SASH1: variants seen among roughly 807,000 people sequenced by gnomAD.
SASH1 encodes SAM and SH3 domain containing 1.
Under a neutral mutation model 125.2 loss-of-function variants are expected in SASH1, and 44 were observed. That is an observed-to-expected ratio of 0.35 (90% CI 0.28 to 0.45). SASH1 has a LOEUF of 0.45. SASH1 is among the 20% of genes least tolerant of loss of function. The pLI is 1.00. For synonymous variants in SASH1, 639 were observed against 649.1 expected, an observed-to-expected ratio of 0.98 and a Z score of 0.24; for missense variants, 1,426 against 1,614.5, an observed-to-expected ratio of 0.88 and a Z score of 2.00.
chr6:148,443,193 C>A (rs1159134454), intron 4 of SASH1, among the ~76,000 whole-genome samples: 2 of 145,844 alleles, frequency 1.4e-5, no homozygotes, highest in African/African-American at 5.0e-5. Flanking sequence ...GGTGTCACGT[C>A]TTTTGTCACA....
At chr6:148,513,107 C>G (rs1780243443) in intron 8 of SASH1, 1 of 985,420 alleles carries the variant, frequency 1.0e-6, no homozygotes, top group Non-Finnish European at 1.2e-6. Flanking sequence ...GAGGTATTCT[C>G]TGCAACTCTT....
chr6:148,307,717 T>A (rs1295368035), intron 1 of SASH1, among the ~76,000 whole-genome samples: 1 of 152,042 alleles, frequency 6.6e-6, no homozygotes, highest in Non-Finnish European at 1.5e-5. Flanking sequence ...CTTGTTGAAT[T>A]AGGTTATTAA....
intron 2 of SASH1, chr6:148,393,593 C>T (rs1334662197): frequency 3.4e-6 from 2 of 584,256 alleles, no homozygotes; most frequent in Non-Finnish European, 4.3e-6. Context: ...AGAAAGTCTG[C>T]CCATCGGTGG....
At chr6:148,244,959 T>TGTGTGA in the SASH1 span, among the ~76,000 whole-genome samples, 5 of 119,240 alleles carry the variant, frequency 4.2e-5, no homozygotes, top group East Asian at 2.8e-4. Context: ...TGTGTGTGTG[T>TGTGTGA]GAGAGAGAGA....
chr6:148,249,096 G>A, the SASH1 span, among the ~76,000 whole-genome samples: 4 of 150,214 alleles, frequency 2.7e-5, no homozygotes, highest in African/African-American at 2.5e-5. Flanking sequence ...GAATGAATGA[G>A]TGACTAAAGA....
chr6:148,541,997 A>G (rs1443579568), intron 17 of SASH1, among the ~76,000 whole-genome samples: 1 of 152,202 alleles, frequency 6.6e-6, no homozygotes, highest in Non-Finnish European at 1.5e-5. Flanking sequence ...GTAGGTTCTG[A>G]AGAATTTTTT....
chr6:148,246,208 G>A, the SASH1 span, among the ~76,000 whole-genome samples: 1 of 152,140 alleles, frequency 6.6e-6, no homozygotes, highest in Non-Finnish European at 1.5e-5. Flanking sequence ...AGTGGATTCA[G>A]AAACAAGAGC....
chr6:148,278,063 C>T (rs9497988), intron 1 of SASH1, among the ~76,000 whole-genome samples: 7,108 of 150,808 alleles, frequency 0.047, 237 homozygotes, highest in Non-Finnish European at 0.067. Context: ...TTTTTTGAGA[C>T]GGAGTCTCGC....
chr6:148,310,921 G>T (rs1475299716), intron 1 of SASH1, among the ~76,000 whole-genome samples: 1 of 151,918 alleles, frequency 6.6e-6, no homozygotes, highest in Non-Finnish European at 1.5e-5. Context: ...AGTCTGACAG[G>T]GTTTTGTTTG....
At chr6:148,445,840 A>G (rs1002384792) in intron 4 of SASH1, among the ~76,000 whole-genome samples, 2 of 152,062 alleles carry the variant, frequency 1.3e-5, no homozygotes, top group Non-Finnish European at 1.5e-5. Flanking sequence ...CTGACCAACT[A>G]CCGGTTGTAG....
chr6:148,298,024 T>TG (rs1779809988), intron 1 of SASH1, among the ~76,000 whole-genome samples: 1 of 151,206 alleles, frequency 6.6e-6, no homozygotes, highest in Non-Finnish European at 1.5e-5. Flanking sequence ...ATTTTTTTTT[T>TG]GAGATGGAGT....
the SASH1 span, among the ~76,000 whole-genome samples, chr6:148,209,287 A>C: frequency 6.6e-6 from 1 of 152,222 alleles, no homozygotes; most frequent in Non-Finnish European, 1.5e-5. Flanking sequence ...CTGTGACTGA[A>C]ATATTAATCA....
At chr6:148,299,492 C>T (rs1779874704) in intron 1 of SASH1, among the ~76,000 whole-genome samples, 1 of 151,816 alleles carries the variant, frequency 6.6e-6, no homozygotes, top group South Asian at 2.1e-4. Context: ...CATGGTAAAA[C>T]CTCATGTCTG....
the SASH1 span, among the ~76,000 whole-genome samples, chr6:148,218,263 A>G: frequency 3.3e-5 from 5 of 152,272 alleles, no homozygotes; most frequent in African/African-American, 1.2e-4. Context: ...CCAAGCAACC[A>G]TGGAAAGAGG....
At chr6:148,295,622 G>A (rs1007176386) in intron 1 of SASH1, among the ~76,000 whole-genome samples, 9 of 152,232 alleles carry the variant, frequency 5.9e-5, no homozygotes, top group African/African-American at 2.2e-4. Context: ...ATCCCACAGG[G>A]CAGAGAGTTA....
At chr6:148,407,328 A>G (rs1402103297) in intron 2 of SASH1, among the ~76,000 whole-genome samples, 2 of 152,148 alleles carry the variant, frequency 1.3e-5, no homozygotes, top group Non-Finnish European at 2.9e-5. Flanking sequence ...GGAATTATGT[A>G]GTATTTGTCC....
At chr6:148,488,988 C>G (rs1045853537) in intron 8 of SASH1, among the ~76,000 whole-genome samples, 7 of 152,072 alleles carry the variant, frequency 4.6e-5, no homozygotes, top group African/African-American at 1.7e-4. Context: ...TCTAGTGTGT[C>G]TATTTGTTTT....
At position 148,532,930 on chromosome 6, in the gene SASH1, C is replaced by T. The variant is rs149897928; in HGVS notation, c.1698C>T (p.Thr566=). ...CGRARVHTDF[T]PSPYDTDSLK... ...GTGCCAGGGTGCACACCGACTTCAC[C>T]CCCAGTCCCTATGACACAGACTCAC... The change falls in exon 14 of 20, where the codon ACC becomes ACT. Residue 566 remains threonine, a synonymous_variant. Coordinates refer to ENST00000367467, the MANE Select transcript of SASH1 (RefSeq NM_015278.5). The surrounding 1 kb of genome is among the most constrained non-coding windows in gnomAD (Gnocchi z 4.7). 8,205 of 1,614,170 alleles carry T rather than the reference C, an allele frequency of 5.1e-3. 19 individuals are homozygous for T. Among genetic ancestry groups the T allele is most frequent in the Non-Finnish European group, 6.4e-3 (7,511 of 1,180,026 alleles).
At chr6:148,267,799 T>G (rs1328980933), upstream of SASH1, among the ~76,000 whole-genome samples, 1 of 152,174 alleles carries the variant, frequency 6.6e-6, no homozygotes, top group African/African-American at 2.4e-5. Flanking sequence ...CCACCATACC[T>G]GCAGAATCAG....
Sources: gnomAD v4.1 joint callset for allele counts (sites outside exome capture counted in the v4.1 genomes callset) on GRCh38, gnomAD v4.1.1 for gene constraint, Gnocchi (gnomAD v3.1) non-coding constraint, MANE v1.5 for transcripts, NCBI Gene and HGNC (gene_info 2026-07-23, HGNC 2026-07-21) for gene names.